The following RASEF variants were observed in gnomAD, a reference collection of about 807,000 sequenced individuals.
RASEF encodes RAS and EF-hand domain containing.
In RASEF, 68 loss-of-function variants were observed where a neutral mutation model predicts 90.1. The observed-to-expected ratio is 0.75, with a 90% CI of 0.62 to 0.92. The LOEUF is 0.92. Among genes scored for constraint, RASEF ranks in the 40% least tolerant of loss-of-function variants. The probability of loss-of-function intolerance (pLI) is 0.00; values close to 1 mark genes in which losing one functional copy is unlikely to be tolerated. For synonymous variants in RASEF, 331 were observed against 345.2 expected, an observed-to-expected ratio of 0.96 and a Z score of 0.46; for missense variants, 949 against 937.2, an observed-to-expected ratio of 1.01 and a Z score of -0.16.
chr9:83,189,546 T>C, the RASEF span, among the ~76,000 whole-genome samples: 1 of 152,210 alleles, frequency 6.6e-6, no homozygotes, highest in African/African-American at 2.4e-5. Flanking sequence ...GACATCTAGC[T>C]CTAAACCATG....
At chr9:83,148,622 T>C in the RASEF span, among the ~76,000 whole-genome samples, 1 of 152,222 alleles carries the variant, frequency 6.6e-6, no homozygotes, top group Non-Finnish European at 1.5e-5. Flanking sequence ...AATACATCTC[T>C]GATATTTATG....
chr9:83,144,847 T>C, the RASEF span, among the ~76,000 whole-genome samples: 2 of 152,138 alleles, frequency 1.3e-5, no homozygotes, highest in Admixed American at 1.3e-4. Flanking sequence ...AAACACTTAA[T>C]CAGTTATACA....
At chr9:83,136,862 T>C in the RASEF span, among the ~76,000 whole-genome samples, 1 of 152,102 alleles carries the variant, frequency 6.6e-6, no homozygotes, top group Non-Finnish European at 1.5e-5. Context: ...ATATTAACTA[T>C]GTCAGTGCCT....
intron 9 of RASEF, among the ~76,000 whole-genome samples, chr9:83,001,705 G>T (rs1829043764): frequency 6.6e-6 from 1 of 152,090 alleles, no homozygotes; most frequent in Admixed American, 6.5e-5. Flanking sequence ...CATCCTCTCA[G>T]GTTGCACAAG....
chr9:83,039,331 C>T (rs991869024), intron 1 of RASEF, among the ~76,000 whole-genome samples: 1 of 152,064 alleles, frequency 6.6e-6, no homozygotes, highest in African/African-American at 2.4e-5. Context: ...GTCTCATATC[C>T]CCTGTAGCAC....
chr9:83,092,003 C>CTTTTTTTTTTT, the RASEF span, among the ~76,000 whole-genome samples: 155 of 35,502 alleles, frequency 4.4e-3, no homozygotes, highest in South Asian at 7.5e-3. Context: ...TCTTTTATTT[C>CTTTTTTTTTTT]TTTTTTTTTT....
the RASEF span, among the ~76,000 whole-genome samples, chr9:83,093,844 G>C: frequency 6.6e-6 from 1 of 152,218 alleles, no homozygotes; most frequent in African/African-American, 2.4e-5. Flanking sequence ...AGGGGTGTGA[G>C]GACTGCCAGC....
rs754663384 is a variant in RASEF at position 83,001,048 on chromosome 9, C to T, written c.1285G>A (p.Asp429Asn). The T allele has an allele frequency of 2.5e-6, 4 of 1,613,992 alleles. No individual in the cohort carries two copies. Among genetic ancestry groups the T allele is most frequent in the Non-Finnish European group, 3.4e-6 (4 of 1,180,022 alleles). Reference protein sequence around the residue: ...DPLQRTNCEVDSLPESCFDSG... With the variant: ...DPLQRTNCEVNSLPESCFDSG... ...TCGAAGCAGCTTTCAGGCAGGCTGT[C>T]AACTTCACAATTTGTCCTCTGCAGA... Residue 429 changes from aspartate (D) to asparagine (N), a missense_variant, in exon 10 of 17, where the codon GAC (aspartate) becomes AAC (asparagine). Asp to Asn is a conservative substitution (Grantham distance 23, BLOSUM62 1). Coordinates refer to ENST00000376447, the MANE Select transcript of RASEF (RefSeq NM_152573.4).
the RASEF span, among the ~76,000 whole-genome samples, chr9:83,083,170 G>T: frequency 5.3e-5 from 8 of 151,972 alleles, no homozygotes; most frequent in Non-Finnish European, 1.0e-4. Context: ...TTACAATTCT[G>T]CCCCAGAGCA....
intron 1 of RASEF, among the ~76,000 whole-genome samples, chr9:83,033,934 A>T (rs1829692343): frequency 6.6e-6 from 1 of 152,166 alleles, no homozygotes; most frequent in African/African-American, 2.4e-5. Flanking sequence ...TTGTCTAGTC[A>T]GTAAGTGCAA....
chr9:83,143,988 C>A, the RASEF span, among the ~76,000 whole-genome samples: 2 of 152,080 alleles, frequency 1.3e-5, no homozygotes, highest in Admixed American at 6.6e-5. Context: ...AGAATGAAAT[C>A]CTGTCCTTTG....
the RASEF span, among the ~76,000 whole-genome samples, chr9:83,091,681 G>A: frequency 2.6e-5 from 4 of 152,288 alleles, no homozygotes; most frequent in African/African-American, 4.8e-5. Context: ...ATTTCCTCAA[G>A]TAGCTGTGAC....
the RASEF span, among the ~76,000 whole-genome samples, chr9:83,183,977 C>G: frequency 1.3e-5 from 2 of 152,178 alleles, no homozygotes; most frequent in African/African-American, 4.8e-5. Context: ...CCATTCAGGT[C>G]TGGGGTGGGG....
At chr9:83,142,404 C>T in the RASEF span, among the ~76,000 whole-genome samples, 2 of 152,148 alleles carry the variant, frequency 1.3e-5, no homozygotes, top group Admixed American at 6.6e-5. Flanking sequence ...ACAGTTGATT[C>T]CTCTGAATAA....
chr9:83,165,012 TG>T, the RASEF span, among the ~76,000 whole-genome samples: 1 of 151,888 alleles, frequency 6.6e-6, no homozygotes, highest in Admixed American at 6.6e-5. Flanking sequence ...AGGCAAAAAC[TG>T]ACAGAACTAC....
In RASEF at chr9:83,049,528, C is replaced by CT. The variant is rs1564089031; in HGVS notation, c.431+12908_431+12909insA. The stretch of plus-strand genomic sequence containing the variant: ...AATGCACAGCCCACCTTTCTGCCTT[C>CT]CTTTTTTTTTTTTTTTTTTTTTTTA... On this transcript the variant is annotated intron_variant, in intron 1 of 16. Coordinates refer to ENST00000376447, the MANE Select transcript of RASEF (RefSeq NM_152573.4). Among the ~76,000 whole-genome samples the CT allele has an allele frequency of 1.6e-4, 12 of 73,520 alleles. No individual in the cohort carries two copies. In the East Asian group the frequency reaches 4.0e-3, roughly 24 times the overall value. The allele number at this position is 73,520 out of a possible 152,430, so 48.2% of individuals were successfully genotyped here.
intron 1 of RASEF, among the ~76,000 whole-genome samples, chr9:83,036,326 GCTC>G (rs1242621450): frequency 6.6e-6 from 1 of 152,212 alleles, no homozygotes; most frequent in Non-Finnish European, 1.5e-5. Flanking sequence ...AGCCAGTTGT[GCTC>G]CTATCTGCAA....
chr9:83,005,135 A>G (rs1045307379), intron 8 of RASEF, among the ~76,000 whole-genome samples: 2 of 152,324 alleles, frequency 1.3e-5, no homozygotes, highest in South Asian at 2.1e-4. Context: ...TCACAAGTCT[A>G]AACTCTTTCA....
At chr9:83,100,802 C>A in the RASEF span, among the ~76,000 whole-genome samples, 1 of 152,120 alleles carries the variant, frequency 6.6e-6, no homozygotes, top group Non-Finnish European at 1.5e-5. Context: ...AACAAGTGCC[C>A]TGTACAGTTC....
Sources: gnomAD v4.1 joint callset for allele counts (sites outside exome capture counted in the v4.1 genomes callset) on GRCh38, gnomAD v4.1.1 for gene constraint, MANE v1.5 for transcripts, NCBI Gene and HGNC (gene_info 2026-07-23, HGNC 2026-07-21) for gene names.